Variants in MRTFB observed in about 807,000 individuals in gnomAD.
MRTFB encodes myocardin related transcription factor B, also known as myocardin-related transcription factor B.
A neutral mutation model predicts 104.2 loss-of-function variants in MRTFB; 29 were observed. That is an observed-to-expected ratio of 0.28 (90% CI 0.21 to 0.38). MRTFB has a LOEUF of 0.38. MRTFB is among the 10% of genes least tolerant of loss of function. MRTFB has a pLI of 1.00. For missense variants in MRTFB, 1,270 were observed against 1,341.6 expected (o/e 0.95, Z 0.83); for synonymous variants, 535 against 519.5 (o/e 1.03, Z -0.41).
At chr16:14,118,218 C>T (rs995775587) in intron 2 of MRTFB, among the ~76,000 whole-genome samples, 2 of 151,218 alleles carry the variant, frequency 1.3e-5, no homozygotes, top group Admixed American at 6.6e-5. Context: ...CTCACTGCCC[C>T]CTCCACCTCC....
the MRTFB span, among the ~76,000 whole-genome samples, chr16:14,022,916 C>CA: frequency 6.6e-6 from 1 of 151,948 alleles, no homozygotes; most frequent in Non-Finnish European, 1.5e-5. Flanking sequence ...AGGCTGGTCT[C>CA]AAACTCCCGA....
At chr16:14,091,411 A>G (rs1017522255) in intron 2 of MRTFB, among the ~76,000 whole-genome samples, 8 of 152,216 alleles carry the variant, frequency 5.3e-5, no homozygotes, top group Admixed American at 2.0e-4. Context: ...GAAGTGGTAC[A>G]TCATCACAGG....
the MRTFB span, among the ~76,000 whole-genome samples, chr16:14,018,241 G>A: frequency 0.011 from 1,749 of 152,162 alleles, 15 homozygotes; most frequent in Non-Finnish European, 0.018. Flanking sequence ...TGGCTCCACC[G>A]CTTATAGCTA....
chr16:14,017,713 T>TATATATATATATA, the MRTFB span, among the ~76,000 whole-genome samples: 116 of 9,426 alleles, frequency 0.012, 10 homozygotes, highest in South Asian at 0.043. Flanking sequence ...ATATATATAT[T>TATATATATATATA]TTTTTTTTTT....
intron 2 of MRTFB, among the ~76,000 whole-genome samples, chr16:14,132,927 C>T (rs2037511175): frequency 6.6e-6 from 1 of 152,058 alleles, no homozygotes; most frequent in South Asian, 2.1e-4. Context: ...TCTGTTTATG[C>T]CAGTCGTAGT....
At chr16:14,078,654 T>A (rs2034211972) in intron 1 of MRTFB, among the ~76,000 whole-genome samples, 1 of 151,516 alleles carries the variant, frequency 6.6e-6, no homozygotes, top group Admixed American at 6.6e-5. Flanking sequence ...GGTCTCAAAC[T>A]TCAGGGCTCA....
chr16:14,145,464 C>T (rs2038262992), intron 3 of MRTFB, among the ~76,000 whole-genome samples: 1 of 152,120 alleles, frequency 6.6e-6, no homozygotes, highest in African/African-American at 2.4e-5. Flanking sequence ...CCAGGATCTT[C>T]CCTTGTTTTA....
intron 8 of MRTFB, among the ~76,000 whole-genome samples, chr16:14,226,296 G>A (rs1386597783): frequency 6.6e-6 from 1 of 152,034 alleles, no homozygotes. Flanking sequence ...TCCTAATTTC[G>A]AAACTTACTA....
At chr16:14,193,867 A>G (rs1263162698) in intron 3 of MRTFB, 1 of 152,200 alleles carries the variant, frequency 6.6e-6, no homozygotes, top group Non-Finnish European at 1.5e-5. Flanking sequence ...TCATCATATC[A>G]GTCTCACCTC....
At chr16:14,238,249 T>C (rs2042609448) in intron 9 of MRTFB, among the ~76,000 whole-genome samples, 1 of 151,822 alleles carries the variant, frequency 6.6e-6, no homozygotes, top group Non-Finnish European at 1.5e-5. Context: ...ATTACTTAGC[T>C]CAAAACATCA....
chr16:14,168,217 ATGTG>A lies in MRTFB; in HGVS notation c.154+27481_154+27484del, dbSNP rs61205256. Among the ~76,000 whole-genome samples, 290 of 148,096 alleles carry A rather than the reference ATGTG, an allele frequency of 2.0e-3. 1 individual carries two copies. Among genetic ancestry groups the A allele is most frequent in the Non-Finnish European group, 3.0e-3 (202 of 66,572 alleles). On this transcript the variant is annotated intron_variant, in intron 3 of 16. Transcript: ENST00000571589. ...AGTGGTTTACATTTTTAAAGATAAA[ATGTG>A]TGTGTGTGTGTGTGTGTGTGTGTAT...
chr16:14,216,080 T>C (rs1226655080), intron 6 of MRTFB, among the ~76,000 whole-genome samples: 4 of 152,252 alleles, frequency 2.6e-5, no homozygotes, highest in African/African-American at 4.8e-5. Flanking sequence ...ACAACAGATA[T>C]GAATCATTTT....
chr16:14,029,775 G>C, the MRTFB span, among the ~76,000 whole-genome samples: 36 of 152,230 alleles, frequency 2.4e-4, no homozygotes, highest in African/African-American at 7.5e-4. Flanking sequence ...GAAGGCAGAG[G>C]TGAAGCAGCC....
chr16:14,193,090 G>C (rs1243619414), intron 3 of MRTFB, among the ~76,000 whole-genome samples: 1 of 151,398 alleles, frequency 6.6e-6, no homozygotes, highest in Non-Finnish European at 1.5e-5. Flanking sequence ...AGCCTTGCTG[G>C]TTTTCCCTCC....
At chr16:14,216,715 C>G (rs996863876) in intron 6 of MRTFB, among the ~76,000 whole-genome samples, 1 of 152,116 alleles carries the variant, frequency 6.6e-6, no homozygotes, top group Non-Finnish European at 1.5e-5. Context: ...GAGGCAGTGT[C>G]TCCCTTCTAA....
intron 3 of MRTFB, among the ~76,000 whole-genome samples, chr16:14,169,548 T>G (rs1248777340): frequency 6.6e-6 from 1 of 152,252 alleles, no homozygotes. Flanking sequence ...AAATATATTC[T>G]CCTGGTCTGT....
the MRTFB span, among the ~76,000 whole-genome samples, chr16:14,035,582 T>C: frequency 8.6e-4 from 131 of 152,292 alleles, no homozygotes; most frequent in African/African-American, 3.0e-3. Flanking sequence ...GCATTTATTA[T>C]ATGTTAATCT....
intron 10 of MRTFB, among the ~76,000 whole-genome samples, 157 bp from the exon 11 acceptor site, chr16:14,245,371 T>C (rs1459214381): frequency 6.6e-6 from 1 of 152,228 alleles, no homozygotes; most frequent in African/African-American, 2.4e-5. Context: ...AGGGATTTCA[T>C]TGAGATCTAA....
rs1439741852 is a variant in MRTFB at position 14,111,019 on chromosome 16, T to C, written c.-63-29525T>C. Among the ~76,000 whole-genome samples, 5 of 152,330 alleles carry C rather than the reference T, an allele frequency of 3.3e-5. 1 individual carries two copies. In the South Asian group the frequency reaches 1.0e-3, roughly 32 times the overall value. ...CCTATCCATCTAACTTTGTTTTCTC[T>C]TTCTAACACACCCTGCAGTGTAACA... On this transcript the variant is annotated intron_variant, in intron 2 of 16. Coordinates refer to ENST00000571589, the MANE Select transcript of MRTFB (RefSeq NM_001308142.2).
Sources: gnomAD v4.1 joint callset for allele counts (sites outside exome capture counted in the v4.1 genomes callset) on GRCh38, gnomAD v4.1.1 for gene constraint, MANE v1.5 for transcripts, NCBI Gene and HGNC (gene_info 2026-07-23, HGNC 2026-07-21) for gene names.